The following TMC1 variants were observed in gnomAD, a reference collection of about 807,000 sequenced individuals.
The protein encoded by TMC1 is transmembrane channel-like protein 1.
A neutral mutation model predicts 105.8 loss-of-function variants in TMC1; 84 were observed. The observed-to-expected ratio is 0.79, with a 90% CI of 0.67 to 0.95. The LOEUF is 0.95. Ranked by LOEUF, TMC1 falls within the 40% of genes least tolerant of loss-of-function variation. TMC1 has a pLI of 0.00. For missense variants in TMC1, 817 were observed against 914.1 expected (o/e 0.89, Z 1.37); for synonymous variants, 315 against 311.5 (o/e 1.01, Z -0.12).
At chr9:72,772,264 C>T in intron 12 of TMC1, 149 bp from the exon 13 acceptor site, 1 of 958,662 alleles carries the variant, frequency 1.0e-6, no homozygotes, top group Non-Finnish European at 1.6e-6. Context: ...GAAACATTCA[C>T]TTTATGGAGC....
At chr9:72,648,730 A>G in intron 5 of TMC1, 66 bp downstream of exon 5, 1 of 1,439,338 alleles carries the variant, frequency 6.9e-7, no homozygotes, top group South Asian at 1.2e-5. Context: ...AGGTATTTGA[A>G]AACTTTGGAA....
At chr9:72,530,922 A>G (rs2132057324) in intron 1 of TMC1, among the ~76,000 whole-genome samples, 1 of 150,810 alleles carries the variant, frequency 6.6e-6, no homozygotes, top group Non-Finnish European at 1.5e-5. Context: ...CCGAGTTCAC[A>G]TCATTCTCCT....
At chr9:72,768,952 A>G (rs1827881793) in intron 12 of TMC1, among the ~76,000 whole-genome samples, 1 of 152,240 alleles carries the variant, frequency 6.6e-6, no homozygotes, top group South Asian at 2.1e-4. Context: ...ACCAGGGACC[A>G]GTCTAGGGTA....
chr9:72,708,929 G>A (rs1826788555), intron 8 of TMC1, among the ~76,000 whole-genome samples: 1 of 151,722 alleles, frequency 6.6e-6, no homozygotes, highest in South Asian at 2.1e-4. Flanking sequence ...TACGTCCCTT[G>A]TATGCCGATT....
chr9:72,606,971 G>GTATGTATGTATGTA lies in TMC1; in HGVS notation c.-305-9396_-305-9395insATGTATGTATGTAT, dbSNP rs33944435. Among the ~76,000 whole-genome samples, 91 of 135,320 alleles carry GTATGTATGTATGTA rather than the reference G, an allele frequency of 6.7e-4. 1 individual carries two copies. Among genetic ancestry groups the GTATGTATGTATGTA allele is most frequent in the African/African-American group, 2.6e-3 (87 of 34,074 alleles). The allele number at this position is 135,320 out of a possible 152,430, so 88.8% of individuals were successfully genotyped here. The stretch of plus-strand genomic sequence containing the variant: ...TATATGTATGTATGTATGTATGTAT[G>GTATGTATGTATGTA]TGTGTGTGTGCATATATATATATAT... On this transcript the variant is annotated intron_variant, in intron 2 of 23. Transcript: ENST00000297784.
At position 72,820,979 on chromosome 9, in the gene TMC1, A is replaced by C. The variant is rs541669728; in HGVS notation, c.1901A>C (p.Asn634Thr). Residue 634 changes from asparagine to threonine, a missense_variant, in exon 20 of 24, where the codon AAC becomes ACC. Physicochemically the swap from Asn to Thr is moderately conservative, Grantham distance 65. Transcript: ENST00000297784. ...GTCTTCAAAGCTTCCAGATCAAATA[A>C]CTTCTACCTGGGCATGCTACTGCTC... ...ARVFKASRSN[N>T]FYLGMLLLIL... is the part of the protein sequence containing the mutation. The C allele has an allele frequency of 1.2e-6, 2 of 1,614,082 alleles. No homozygotes were observed. The highest frequency in any genetic ancestry group is 2.2e-5 in the South Asian group (2 of 91,074).
chr9:72,720,185 C>T (rs116145434), intron 8 of TMC1, among the ~76,000 whole-genome samples: 226 of 152,206 alleles, frequency 1.5e-3, no homozygotes, highest in African/African-American at 5.3e-3. Context: ...AATTGTCAGA[C>T]AATTAATAAG....
intron 17 of TMC1, among the ~76,000 whole-genome samples, chr9:72,795,337 A>G (rs1828346394): frequency 6.6e-6 from 1 of 152,214 alleles, no homozygotes; most frequent in Admixed American, 6.5e-5. Flanking sequence ...CATCCCCAAA[A>G]CACACAATTG....
At chr9:72,683,537 G>A (rs563130344) in intron 5 of TMC1, among the ~76,000 whole-genome samples, 126 of 150,530 alleles carry the variant, frequency 8.4e-4, no homozygotes, top group African/African-American at 2.9e-3. Flanking sequence ...AAAAATCATA[G>A]CTTATTTTTT....
intron 2 of TMC1, among the ~76,000 whole-genome samples, chr9:72,606,573 A>G (rs1824916603): frequency 6.6e-6 from 1 of 152,198 alleles, no homozygotes; most frequent in Admixed American, 6.5e-5. Context: ...TATTTTAACC[A>G]ATTAGTGAAA....
At chr9:72,761,087 T>C (rs1827749067) in intron 12 of TMC1, among the ~76,000 whole-genome samples, 1 of 152,218 alleles carries the variant, frequency 6.6e-6, no homozygotes, top group African/African-American at 2.4e-5. Context: ...TTACTGATGG[T>C]GCTGGAAATC....
At chr9:72,524,224 A>T (rs1406844807) in intron 1 of TMC1, among the ~76,000 whole-genome samples, 1 of 152,232 alleles carries the variant, frequency 6.6e-6, no homozygotes, top group Non-Finnish European at 1.5e-5. Context: ...GTACTTGAAA[A>T]TAGAGAAAGA....
chr9:72,730,564 T>C (rs933923849), intron 8 of TMC1, among the ~76,000 whole-genome samples: 1 of 152,222 alleles, frequency 6.6e-6, no homozygotes, highest in African/African-American at 2.4e-5. Flanking sequence ...TGACTTAATT[T>C]AGCTGTCCCC....
intron 5 of TMC1, among the ~76,000 whole-genome samples, chr9:72,662,378 G>A (rs1256066586): frequency 6.8e-6 from 1 of 146,252 alleles, no homozygotes; most frequent in African/African-American, 2.5e-5. Context: ...TGTATTTTTA[G>A]TAGAGGCAGG....
chr9:72,776,224 A>G (rs2118139561), intron 13 of TMC1, among the ~76,000 whole-genome samples: 1 of 152,002 alleles, frequency 6.6e-6, no homozygotes, highest in East Asian at 1.9e-4. Flanking sequence ...TTTTGTCTAC[A>G]TAGACTATAA....
intron 1 of TMC1, among the ~76,000 whole-genome samples, chr9:72,575,018 G>A (rs1443586163): frequency 6.6e-6 from 1 of 152,040 alleles, no homozygotes; most frequent in Non-Finnish European, 1.5e-5. Context: ...CTGTCGTGAG[G>A]CCCCAGTCCT....
chr9:72,798,328 G>T (rs1292435526), intron 17 of TMC1, among the ~76,000 whole-genome samples: 2 of 152,050 alleles, frequency 1.3e-5, no homozygotes, highest in East Asian at 3.8e-4. Flanking sequence ...AGAGCTAAAA[G>T]CAGAACTATC....
chr9:72,798,675 G>A (rs931494607), intron 17 of TMC1, among the ~76,000 whole-genome samples: 25 of 152,028 alleles, frequency 1.6e-4, no homozygotes, highest in Admixed American at 1.6e-3. Context: ...AGACACTGGG[G>A]TCTACTTGAG....
At chr9:72,799,075 A>C (rs1828424584) in intron 17 of TMC1, among the ~76,000 whole-genome samples, 1 of 152,110 alleles carries the variant, frequency 6.6e-6, no homozygotes, top group Non-Finnish European at 1.5e-5. Context: ...AAAACCAAAC[A>C]AAACCCAAGA....
Sources: allele counts gnomAD v4.1 joint callset (sites outside exome capture counted in the v4.1 genomes callset), GRCh38; gene constraint gnomAD v4.1.1; transcripts MANE v1.5; gene names NCBI Gene and HGNC (gene_info 2026-07-23, HGNC 2026-07-21).